The following FSIP1 variants were observed in gnomAD, a reference collection of about 807,000 sequenced individuals.
FSIP1 encodes fibrous sheath interacting protein 1, also known as fibrous sheath-interacting protein 1.
In FSIP1, 65 loss-of-function variants were observed where a neutral mutation model predicts 60.9. That is an observed-to-expected ratio of 1.07 (90% CI 0.87 to 1.31). FSIP1 has a LOEUF of 1.31. FSIP1 is among the 40% of genes most tolerant of loss of function. The probability of loss-of-function intolerance (pLI) is 0.00; values close to 1 mark genes in which losing one functional copy is unlikely to be tolerated. For missense variants in FSIP1, 675 were observed against 665.5 expected (o/e 1.01, Z -0.16); for synonymous variants, 209 against 221.2 (o/e 0.94, Z 0.49).
intron 10 of FSIP1, among the ~76,000 whole-genome samples, chr15:39,628,931 G>A (rs1876852): frequency 0.39 from 59,510 of 152,108 alleles, 13,845 homozygotes; most frequent in African/African-American, 0.66. Flanking sequence ...GTGAAGCTGC[G>A]AGGACCATGC....
At chr15:39,683,302 A>G (rs1044225805) in intron 10 of FSIP1, among the ~76,000 whole-genome samples, 2 of 152,186 alleles carry the variant, frequency 1.3e-5, no homozygotes, top group Admixed American at 6.5e-5. Flanking sequence ...AACCGATGTA[A>G]TCCACCAGAT....
chr15:39,654,654 A>G (rs1893002971), intron 10 of FSIP1, among the ~76,000 whole-genome samples: 1 of 152,232 alleles, frequency 6.6e-6, no homozygotes, highest in Non-Finnish European at 1.5e-5. Context: ...ATTCTCTCAG[A>G]TATAACACGT....
At chr15:39,724,452 C>T (rs1195003840) in intron 9 of FSIP1, among the ~76,000 whole-genome samples, 1 of 151,970 alleles carries the variant, frequency 6.6e-6, no homozygotes, top group African/African-American at 2.4e-5. Context: ...CAGGGTTGCA[C>T]CGTGTTAGCC....
At chr15:39,624,579 A>G (rs1198551495) in intron 10 of FSIP1, among the ~76,000 whole-genome samples, 4 of 152,230 alleles carry the variant, frequency 2.6e-5, no homozygotes, top group Admixed American at 1.3e-4. Context: ...GTCTGTATCA[A>G]TGGCGCTAAG....
At chr15:39,700,952 G>A (rs1895032336) in intron 10 of FSIP1, among the ~76,000 whole-genome samples, 1 of 152,164 alleles carries the variant, frequency 6.6e-6, no homozygotes, top group African/African-American at 2.4e-5. Flanking sequence ...ACGAGTTCAA[G>A]ACCAACCTGG....
intron 8 of FSIP1, among the ~76,000 whole-genome samples, chr15:39,735,123 C>T (rs1209216730): frequency 6.6e-6 from 1 of 152,196 alleles, no homozygotes; most frequent in Non-Finnish European, 1.5e-5. Flanking sequence ...ACCCAGATCC[C>T]TTAATTCTTA....
chr15:39,646,565 T>C (rs1461430656), intron 10 of FSIP1, among the ~76,000 whole-genome samples: 1 of 142,812 alleles, frequency 7.0e-6, no homozygotes, highest in African/African-American at 2.7e-5. Context: ...TTTGGTGATG[T>C]GTGCCTGTAG....
chr15:39,763,631 A>C, intron 5 of FSIP1, among the ~76,000 whole-genome samples, 190 bp downstream of exon 5: 1 of 152,190 alleles, frequency 6.6e-6, no homozygotes, highest in East Asian at 1.9e-4. Context: ...CAAACACTTA[A>C]AGACACCAAA....
In FSIP1 at chr15:39,705,506, C is replaced by T. The variant is rs967286014; in HGVS notation, c.1188+7938G>A. ...TAAAATTGCCTTAATTATGGCTCCC[C>T]TTTCTTTAGGAATAAAGGCAATTTA... On this transcript the variant is annotated intron_variant, in intron 10 of 11. Transcript: ENST00000350221. Among the ~76,000 whole-genome samples, 6 of 151,948 alleles carry T rather than the reference C, an allele frequency of 3.9e-5. No homozygotes were observed. In the East Asian group the frequency reaches 9.6e-4, roughly 24 times the overall value.
intron 10 of FSIP1, among the ~76,000 whole-genome samples, chr15:39,640,583 G>A (rs1360956264): frequency 6.6e-6 from 1 of 152,050 alleles, no homozygotes; most frequent in African/African-American, 2.4e-5. Context: ...AGAGTTCTGG[G>A]GTACGTGATA....
At chr15:39,745,382 C>T (rs1896959509) in intron 5 of FSIP1, among the ~76,000 whole-genome samples, 4 of 152,156 alleles carry the variant, frequency 2.6e-5, no homozygotes, top group African/African-American at 9.7e-5. Flanking sequence ...TTCTGTGGCA[C>T]ATTTCCGGAA....
chr15:39,628,069 G>A (rs1891718490), intron 10 of FSIP1, among the ~76,000 whole-genome samples: 1 of 152,224 alleles, frequency 6.6e-6, no homozygotes, highest in Non-Finnish European at 1.5e-5. Context: ...CACTGTCAAC[G>A]CCATAGGAGA....
chr15:39,738,696 G>C (rs1016586359), intron 7 of FSIP1, among the ~76,000 whole-genome samples: 1 of 125,014 alleles, frequency 8.0e-6, no homozygotes, highest in Non-Finnish European at 1.8e-5. Context: ...CCTGGATAAG[G>C]GGGGAACTCT....
At chr15:39,650,616 C>G (rs528247219) in intron 10 of FSIP1, among the ~76,000 whole-genome samples, 119 of 152,258 alleles carry the variant, frequency 7.8e-4, no homozygotes, top group African/African-American at 2.8e-3. Flanking sequence ...GACAACAGCA[C>G]CACTTTTGAA....
chr15:39,781,631 C>G (rs1223075742), intron 1 of FSIP1, among the ~76,000 whole-genome samples: 1 of 152,198 alleles, frequency 6.6e-6, no homozygotes, highest in Non-Finnish European at 1.5e-5. Flanking sequence ...TGGACTATTA[C>G]TCAGCAACAT....
chr15:39,657,242 T>C (rs956663711), intron 10 of FSIP1, among the ~76,000 whole-genome samples: 4 of 152,204 alleles, frequency 2.6e-5, no homozygotes, highest in East Asian at 3.8e-4. Context: ...TCAGGATCAA[T>C]AGAAAGAATC....
At chr15:39,716,128 TA>T (rs1161502667) in intron 9 of FSIP1, among the ~76,000 whole-genome samples, 2 of 152,130 alleles carry the variant, frequency 1.3e-5, no homozygotes, top group African/African-American at 2.4e-5. Flanking sequence ...AATCTAATGT[TA>T]GGGGGAAGTT....
At chr15:39,624,066 C>T (rs1891544795) in intron 10 of FSIP1, among the ~76,000 whole-genome samples, 1 of 152,204 alleles carries the variant, frequency 6.6e-6, no homozygotes, top group Non-Finnish European at 1.5e-5. Flanking sequence ...GATGGACTGC[C>T]TGTGTCAGGT....
intron 5 of FSIP1, chr15:39,747,279 G>A (rs1355707994): frequency 6.6e-6 from 1 of 152,102 alleles, no homozygotes; most frequent in Non-Finnish European, 1.5e-5. Context: ...GTAATACAAG[G>A]AATTTAGAAT....
Sources: allele counts gnomAD v4.1 joint callset (sites outside exome capture counted in the v4.1 genomes callset), GRCh38; gene constraint gnomAD v4.1.1; transcripts MANE v1.5; gene names NCBI Gene and HGNC (gene_info 2026-07-23, HGNC 2026-07-21).